Variants in SUPV3L1 observed in about 807,000 individuals in gnomAD.
SUPV3L1 encodes the protein Suv3 like RNA helicase, also known as ATP-dependent RNA helicase SUPV3L1, mitochondrial.
In SUPV3L1, 35 loss-of-function variants were observed where a neutral mutation model predicts 70.0. The ratio of observed to expected loss-of-function variants is 0.50; its 90% CI spans 0.38 to 0.66. The LOEUF (loss-of-function observed/expected upper bound fraction) is 0.66, where lower values mean the gene tolerates loss of function less well. Ranked by LOEUF, SUPV3L1 falls within the 30% of genes least tolerant of loss-of-function variation. The probability of loss-of-function intolerance (pLI) is 0.00; values close to 1 mark genes in which losing one functional copy is unlikely to be tolerated. For missense variants in SUPV3L1, 777 were observed against 961.5 expected (o/e 0.81, Z 2.54); for synonymous variants, 364 against 341.9 (o/e 1.06, Z -0.71).
intron 1 of SUPV3L1, among the ~76,000 whole-genome samples, chr10:69,185,588 G>A (rs1417795117): frequency 4.0e-5 from 6 of 148,716 alleles, no homozygotes; most frequent in Non-Finnish European, 7.4e-5. Flanking sequence ...TGCAAGCTCC[G>A]CCTCCCGGGT....
Position 69,209,002 on chromosome 10 carries a change from G to A in SUPV3L1, c.2328G>A (p.Thr776=), listed in dbSNP as rs371430248. Residue 776 remains threonine (T), a synonymous_variant, in exon 15 of 15, where the codon ACG becomes ACA. Coordinates refer to ENST00000359655, the MANE Select transcript of SUPV3L1 (RefSeq NM_003171.5). ...AGTCTGGGACTCATCCAAAAGGGAC[G>A]AGAAGAAAGAAGAAGGAACCTGATT... is the stretch of plus-strand genomic sequence containing the variant. The part of the protein sequence containing the change: ...KTESGTHPKG[T]RRKKKEPDSD 33 of 1,568,380 alleles carry A rather than the reference G, an allele frequency of 2.1e-5. 1 individual carries two copies. The highest frequency in any genetic ancestry group is 4.1e-5 in the African/African-American group (3 of 72,454).
At chr10:69,183,911 A>G (rs1842140708) in intron 1 of SUPV3L1, among the ~76,000 whole-genome samples, 1 of 146,384 alleles carries the variant, frequency 6.8e-6, no homozygotes, top group Admixed American at 6.8e-5. Context: ...CCAGATAACC[A>G]CTAATCCACA....
intron 3 of SUPV3L1, 98 bp from the exon 4 acceptor site, chr10:69,187,544 G>C: frequency 1.3e-6 from 1 of 763,486 alleles, no homozygotes; most frequent in South Asian, 1.8e-5. Flanking sequence ...CCCTGGCAGT[G>C]CCCCCGCAAC....
intron 11 of SUPV3L1, 54 bp downstream of exon 11, chr10:69,200,553 C>T: frequency 7.0e-7 from 1 of 1,435,182 alleles, no homozygotes; most frequent in Non-Finnish European, 9.7e-7. Context: ...TCATTCTTTC[C>T]CTCACCCACC....
rs759795120 is a variant in SUPV3L1 at position 69,202,392 on chromosome 10, TGAA to T, written c.1519-46_1519-44del. 22 of 1,529,768 alleles carry T rather than the reference TGAA, an allele frequency of 1.4e-5. No individual in the cohort carries two copies. The African/African-American group carries it at 2.1e-4, about 15-fold the overall frequency. 94.8% of individuals were successfully genotyped at this position (1,529,768 alleles called of 1,614,324 possible). ...ATAACTTAAGAAAATTTGTCCTTTTTGAAAAAAAAAAAATCAGCTTATGATTGT... is the reference window on the plus strand; with the variant it reads ...ATAACTTAAGAAAATTTGTCCTTTTTAAAAAAAAAATCAGCTTATGATTGT... On this transcript the variant is annotated intron_variant, in intron 11 of 14. Coordinates refer to ENST00000359655, the MANE Select transcript of SUPV3L1 (RefSeq NM_003171.5).
At chr10:69,194,384 C>T (rs1164717493) in intron 6 of SUPV3L1, among the ~76,000 whole-genome samples, 2 of 150,866 alleles carry the variant, frequency 1.3e-5, no homozygotes, top group Non-Finnish European at 2.9e-5. Flanking sequence ...TGGAGTCTTG[C>T]TGTGTTGCCC....
At chr10:69,200,221 A>C in intron 10 of SUPV3L1, 59 bp from the exon 11 acceptor site, 1 of 1,405,454 alleles carries the variant, frequency 7.1e-7, no homozygotes, top group Non-Finnish European at 9.9e-7. Flanking sequence ...TTATGCAATG[A>C]CCCAAGTATT....
chr10:69,202,627 A>G lies in SUPV3L1; in HGVS notation c.1599+108A>G, dbSNP rs947096467. On this transcript the variant is annotated intron_variant, in intron 12 of 14. Coordinates refer to ENST00000359655, the MANE Select transcript of SUPV3L1 (RefSeq NM_003171.5). ...GATAGTCTGCCTTTGAGAAGTTGCT[A>G]TTTATAAAATTTATTTTACAAGTGA... 10 of 1,178,192 alleles carry G rather than the reference A, an allele frequency of 8.5e-6. No individual in the cohort carries two copies. In the Admixed American group the frequency reaches 9.6e-5, roughly 11 times the overall value. 73.0% of individuals were successfully genotyped at this position (1,178,192 alleles called of 1,614,324 possible).
chr10:69,195,916 T>C (rs1842530239), intron 7 of SUPV3L1, among the ~76,000 whole-genome samples: 1 of 151,982 alleles, frequency 6.6e-6, no homozygotes, highest in South Asian at 2.1e-4. Flanking sequence ...TGGTTAACTT[T>C]TTAAATTTTT....
intron 1 of SUPV3L1, among the ~76,000 whole-genome samples, chr10:69,184,075 A>T (rs1454346460): frequency 6.6e-6 from 1 of 152,142 alleles, no homozygotes; most frequent in Non-Finnish European, 1.5e-5. Flanking sequence ...ATCTTATATA[A>T]CACCGTAGTA....
chr10:69,202,318 AT>A, intron 11 of SUPV3L1, 120 bp from the exon 12 acceptor site: 1 of 642,298 alleles, frequency 1.6e-6, no homozygotes, highest in Non-Finnish European at 2.5e-6. Context: ...AATTCTTGGC[AT>A]TTACTTCATA....
Position 69,202,884 on chromosome 10 carries a change from T to C in SUPV3L1, c.1617T>C (p.Phe539=). ...TCCCCAAGGATATTTTTGTAGACTT[T>C]TCACAAGTTGATGGGCAGTATTTTG... The part of the protein sequence containing the change: ...LSNLIDIFVD[F]SQVDGQYFVC... The change falls in exon 13 of 15, where the codon TTT becomes TTC. Residue 539 remains phenylalanine (F), a synonymous_variant. Transcript: ENST00000359655. 1.2e-6 allele frequency: 2 copies of C among 1,612,468 alleles called. No individual in the cohort carries two copies. The highest frequency in any genetic ancestry group is 1.7e-6 in the Non-Finnish European group (2 of 1,179,276).
At chr10:69,184,070 A>G (rs1285444442) in intron 1 of SUPV3L1, among the ~76,000 whole-genome samples, 3 of 152,164 alleles carry the variant, frequency 2.0e-5, no homozygotes, top group African/African-American at 4.8e-5. Context: ...CATGAATCTT[A>G]TATAACACCG....
At chr10:69,182,750 A>G in intron 1 of SUPV3L1, 2 of 871,516 alleles carry the variant, frequency 2.3e-6, no homozygotes, top group Non-Finnish European at 2.8e-6. Flanking sequence ...AAGATGGTGC[A>G]TTACTACACT....
At chr10:69,191,093 G>A (rs1842379724) in intron 5 of SUPV3L1, among the ~76,000 whole-genome samples, 1 of 152,182 alleles carries the variant, frequency 6.6e-6, no homozygotes, top group South Asian at 2.1e-4. Context: ...AAGTTAAAAT[G>A]TGAAACTGCT....
chr10:69,189,660 T>C (rs868310628), intron 5 of SUPV3L1, among the ~76,000 whole-genome samples: 79 of 150,762 alleles, frequency 5.2e-4, no homozygotes, highest in African/African-American at 1.8e-3. Context: ...TTTTTTTTTT[T>C]TTTTGAGATG....
In SUPV3L1 at chr10:69,200,448, A is replaced by C. The variant is rs376288995; in HGVS notation, c.1467A>C (p.Glu489Asp). Residue 489 changes from glutamate to aspartate, a missense_variant, in exon 11 of 15, where the codon GAA becomes GAC. Physicochemically the swap from Glu to Asp is conservative, Grantham distance 45. This residue lies in a region of SUPV3L1 where 619 missense variants were observed against 823.3 expected (regional missense o/e 0.75). Transcript: ENST00000359655. ...GAGAGGTTACAACAATGAATCATGA[A>C]GATCTCAGTTTATTAAAGGAAATTT... Reference protein sequence around the residue: ...KEGEVTTMNHEDLSLLKEILK... With the variant: ...KEGEVTTMNHDDLSLLKEILK... 3.7e-6 allele frequency: 6 copies of C among 1,614,126 alleles called. No individual in the cohort carries two copies. The highest frequency in any genetic ancestry group is 4.2e-6 in the Non-Finnish European group (5 of 1,180,028).
At chr10:69,195,128 A>C (rs991507774) in intron 6 of SUPV3L1, 60 bp from the exon 7 acceptor site, 1 of 1,375,242 alleles carries the variant, frequency 7.3e-7, no homozygotes, top group African/African-American at 1.5e-5. Flanking sequence ...TGGTGTTGGA[A>C]TTTGTTTATA....
intron 13 of SUPV3L1, among the ~76,000 whole-genome samples, chr10:69,204,457 A>C (rs1253933296): frequency 2.0e-5 from 3 of 152,176 alleles, no homozygotes; most frequent in Admixed American, 2.0e-4. Context: ...GCTGTGGCTC[A>C]TGCCTGTAAT....
Sources: gnomAD v4.1 joint callset for allele counts (sites outside exome capture counted in the v4.1 genomes callset) on GRCh38, gnomAD v4.1.1 for gene constraint, gnomAD v4.1.1 regional missense constraint, MANE v1.5 for transcripts, NCBI Gene and HGNC (gene_info 2026-07-23, HGNC 2026-07-21) for gene names.